The following NARS2 variants were observed in gnomAD, a reference collection of about 807,000 sequenced individuals.
The protein encoded by NARS2 is asparaginyl-tRNA synthetase 2, mitochondrial, also known as asparaginyl-tRNA synthetase.
In NARS2, 60 loss-of-function variants were observed where a neutral mutation model predicts 62.9. The observed-to-expected ratio is 0.95, with a 90% CI of 0.77 to 1.18. The LOEUF (loss-of-function observed/expected upper bound fraction) is 1.18. Among genes scored for constraint, NARS2 ranks in the 50% most tolerant of loss-of-function variants. The probability of loss-of-function intolerance (pLI) is 0.00; values close to 1 mark genes in which losing one functional copy is unlikely to be tolerated. For synonymous variants in NARS2, 196 were observed against 200.0 expected (o/e 0.98, Z 0.17); for missense variants, 619 against 576.4 (o/e 1.07, Z -0.76).
chr11:78,522,902 G>A (rs897236854), intron 6 of NARS2, among the ~76,000 whole-genome samples: 1 of 152,140 alleles, frequency 6.6e-6, no homozygotes, highest in African/African-American at 2.4e-5. Flanking sequence ...GCAGTTTGCT[G>A]AATTCAATAG....
intron 11 of NARS2, among the ~76,000 whole-genome samples, chr11:78,460,292 G>A (rs10899512): frequency 0.31 from 46,598 of 149,842 alleles, 8,910 homozygotes; most frequent in African/African-American, 0.53. Flanking sequence ...TTTTTAATGG[G>A]GATGGAGTCT....
chr11:78,511,552 C>T (rs1860721435), intron 6 of NARS2, among the ~76,000 whole-genome samples: 1 of 151,968 alleles, frequency 6.6e-6, no homozygotes, highest in African/African-American at 2.4e-5. Flanking sequence ...CCCATCTCTA[C>T]TAAAAATACA....
intron 5 of NARS2, among the ~76,000 whole-genome samples, chr11:78,542,414 G>A (rs192445649): frequency 5.3e-5 from 8 of 152,166 alleles, no homozygotes; most frequent in Non-Finnish European, 1.2e-4. Flanking sequence ...TAAAGGGGTC[G>A]GTGAAAAATG....
chr11:78,562,282 G>A (rs551937923), intron 4 of NARS2, among the ~76,000 whole-genome samples: 10 of 151,818 alleles, frequency 6.6e-5, no homozygotes, highest in East Asian at 2.0e-4. Context: ...TAAAAAAAAC[G>A]AGCCAGGCAC....
At chr11:78,449,391 C>T (rs527998022) in intron 11 of NARS2, among the ~76,000 whole-genome samples, 2 of 152,016 alleles carry the variant, frequency 1.3e-5, no homozygotes, top group Admixed American at 1.3e-4. Flanking sequence ...CCTGCCTCAG[C>T]CTCCCAAAGT....
At chr11:78,565,451 T>C (rs767093390) in intron 4 of NARS2, among the ~76,000 whole-genome samples, 3 of 152,168 alleles carry the variant, frequency 2.0e-5, no homozygotes, top group Non-Finnish European at 4.4e-5. Flanking sequence ...CCCCTACCAG[T>C]AGACCAGCTT....
chr11:78,514,557 C>T (rs1389025149), intron 6 of NARS2, among the ~76,000 whole-genome samples: 1 of 152,182 alleles, frequency 6.6e-6, no homozygotes, highest in East Asian at 1.9e-4. Context: ...TCAAAAGGCT[C>T]ACTGGGAATT....
At chr11:78,520,168 A>C (rs1040558144) in intron 6 of NARS2, among the ~76,000 whole-genome samples, 1 of 152,228 alleles carries the variant, frequency 6.6e-6, no homozygotes, top group Non-Finnish European at 1.5e-5. Flanking sequence ...AAAACAACAG[A>C]AATGTATTCT....
intron 9 of NARS2, among the ~76,000 whole-genome samples, chr11:78,475,472 A>G (rs994630003): frequency 6.6e-6 from 1 of 152,044 alleles, no homozygotes; most frequent in Non-Finnish European, 1.5e-5. Flanking sequence ...TTTTTTGAGA[A>G]ACCTCCCATA....
intron 9 of NARS2, among the ~76,000 whole-genome samples, chr11:78,475,176 G>C (rs889162598): frequency 6.6e-6 from 1 of 152,110 alleles, no homozygotes; most frequent in Non-Finnish European, 1.5e-5. Flanking sequence ...TGCAGTATTT[G>C]TCTTTCTGTG....
At chr11:78,449,133 G>GTTTTTTT (rs201937471) in intron 11 of NARS2, among the ~76,000 whole-genome samples, 16 of 100,056 alleles carry the variant, frequency 1.6e-4, no homozygotes, top group East Asian at 3.0e-4. Flanking sequence ...CCTAAAAAAT[G>GTTTTTTT]TTTTTTTTTT....
At chr11:78,438,295 A>ATATTAGTATAGTATAGTATAGTTATT (rs1367518079) in intron 13 of NARS2, among the ~76,000 whole-genome samples, 1 of 152,184 alleles carries the variant, frequency 6.6e-6, no homozygotes, top group Non-Finnish European at 1.5e-5. Flanking sequence ...GATTAGTAAT[A>ATATTAGTATAGTATAGTATAGTTATT]ACTATAAGAA....
chr11:78,528,360 A>G lies in NARS2; in HGVS notation c.689+482T>C, dbSNP rs185016908. On this transcript the variant is annotated intron_variant, in intron 6 of 13. Transcript: ENST00000281038. ...CCCAAGGAATACAGTGACTTTCCAG[A>G]GGTCTGACAGTTGCTAAAATTCATT... 6.4e-3 allele frequency among the ~76,000 whole-genome samples: 973 copies of G among 152,262 alleles called. 9 individuals are homozygous for G. The highest frequency in any genetic ancestry group is 0.022 in the African/African-American group (934 of 41,528).
At chr11:78,466,389 T>G (rs1858623727) in intron 10 of NARS2, among the ~76,000 whole-genome samples, 1 of 152,112 alleles carries the variant, frequency 6.6e-6, no homozygotes, top group South Asian at 2.1e-4. Flanking sequence ...TACAGCTTCT[T>G]CCACGTTATT....
At chr11:78,450,109 A>C (rs958118361) in intron 11 of NARS2, among the ~76,000 whole-genome samples, 1 of 152,256 alleles carries the variant, frequency 6.6e-6, no homozygotes, top group African/African-American at 2.4e-5. Flanking sequence ...ACGGGGAAGC[A>C]TAATTCCCAC....
At position 78,565,184 on chromosome 11, in the gene NARS2, G is replaced by C. The variant is rs549188244; in HGVS notation, c.513+948C>G. Among the ~76,000 whole-genome samples, 89 of 152,312 alleles carry C rather than the reference G, an allele frequency of 5.8e-4. No homozygotes were observed. In the South Asian group the frequency reaches 0.017, roughly 30 times the overall value. ...CTTTCCCAGGTAGAGGGAAATGGTT[G>C]AGAAGCAAAGCTAAATGAGACAAAA... On this transcript the variant is annotated intron_variant, in intron 4 of 13. Coordinates refer to ENST00000281038, the MANE Select transcript of NARS2 (RefSeq NM_024678.6).
chr11:78,484,843 G>A (rs1322695586), intron 7 of NARS2, among the ~76,000 whole-genome samples: 1 of 152,168 alleles, frequency 6.6e-6, no homozygotes, highest in African/African-American at 2.4e-5. Flanking sequence ...CAAGAATCTA[G>A]AACCAGAAAA....
At chr11:78,552,808 C>T (rs975211977) in intron 5 of NARS2, among the ~76,000 whole-genome samples, 1 of 152,188 alleles carries the variant, frequency 6.6e-6, no homozygotes, top group Admixed American at 6.5e-5. Context: ...ACTCGGACCA[C>T]CTTGGGCACA....
intron 6 of NARS2, among the ~76,000 whole-genome samples, chr11:78,518,732 T>C (rs1861004715): frequency 1.3e-5 from 2 of 152,096 alleles, no homozygotes; most frequent in African/African-American, 4.8e-5. Context: ...TTAGCCAGGA[T>C]AGTCTCCATC....
Sources: allele counts gnomAD v4.1 joint callset (sites outside exome capture counted in the v4.1 genomes callset), GRCh38; gene constraint gnomAD v4.1.1; transcripts MANE v1.5; gene names NCBI Gene and HGNC (gene_info 2026-07-23, HGNC 2026-07-21).